SIPA1L1: variants seen among roughly 807,000 people sequenced by gnomAD.
The protein encoded by SIPA1L1 is signal-induced proliferation-associated 1-like protein 1.
A neutral mutation model predicts 162.7 loss-of-function variants in SIPA1L1; 26 were observed. That is an observed-to-expected ratio of 0.16 (90% CI 0.12 to 0.22). The LOEUF (loss-of-function observed/expected upper bound fraction) is 0.22, where lower values mean the gene tolerates loss of function less well. SIPA1L1 is among the 10% of genes least tolerant of loss of function. The pLI is 1.00. For synonymous variants in SIPA1L1, 829 were observed against 837.4 expected, an observed-to-expected ratio of 0.99 and a Z score of 0.17; for missense variants, 1,874 against 2,241.0, an observed-to-expected ratio of 0.84 and a Z score of 3.31.
chr14:71,415,660 T>C (rs2042705068), intron 2 of SIPA1L1, among the ~76,000 whole-genome samples: 2 of 152,236 alleles, frequency 1.3e-5, no homozygotes, highest in Admixed American at 1.3e-4. Flanking sequence ...CTATATGTTA[T>C]TGAAATGTGC....
rs574917080 is a variant in SIPA1L1 at position 71,340,926 on chromosome 14, G to A, written c.-465+19745G>A. 8.5e-5 allele frequency among the ~76,000 whole-genome samples: 13 copies of A among 152,314 alleles called. No homozygotes were observed. In the East Asian group the frequency reaches 2.3e-3, roughly 27 times the overall value. On this transcript the variant is annotated intron_variant, in intron 2 of 23. Transcript: ENST00000381232. Reference sequence around the variant, plus strand: ...TGCACTCCAGCCTGGACAACAGAGCGAGACTCCGTCTCAAAAAAAGAAATA... The same window carrying A: ...TGCACTCCAGCCTGGACAACAGAGCAAGACTCCGTCTCAAAAAAAGAAATA...
intron 2 of SIPA1L1, among the ~76,000 whole-genome samples, chr14:71,484,882 A>G (rs1178783348): frequency 6.6e-6 from 1 of 152,234 alleles, no homozygotes; most frequent in Non-Finnish European, 1.5e-5. Flanking sequence ...TTTTGTTCCT[A>G]GCTTTAAACA....
chr14:71,628,810 A>G (rs1274662715), intron 7 of SIPA1L1, among the ~76,000 whole-genome samples: 1 of 152,198 alleles, frequency 6.6e-6, no homozygotes, highest in Non-Finnish European at 1.5e-5. Context: ...GGGAATAAGC[A>G]GTTGGGTGGT....
intron 2 of SIPA1L1, among the ~76,000 whole-genome samples, chr14:71,485,299 C>T (rs2048662634): frequency 1.3e-5 from 2 of 152,210 alleles, no homozygotes; most frequent in South Asian, 2.1e-4. Context: ...CCCCGGACCA[C>T]GGACCAGTAC....
rs528372872 is a variant in SIPA1L1, at chr14:71,474,270, A to C, written c.-464-38473A>C. Among the ~76,000 whole-genome samples the C allele has an allele frequency of 7.2e-5, 11 of 152,306 alleles. No individual in the cohort carries two copies. The South Asian group carries it at 1.4e-3, about 20-fold the overall frequency. The stretch of plus-strand genomic sequence containing the variant: ...CAACTATGAAGTTAGCTGGAAAGTG[A>C]ATTTTGTCTAAGAAAATTTAGTTAT... On this transcript the variant is annotated intron_variant, in intron 2 of 23. Coordinates refer to ENST00000381232, the MANE Select transcript of SIPA1L1 (RefSeq NM_001386936.1).
At chr14:71,504,910 G>A (rs965037549) in intron 2 of SIPA1L1, among the ~76,000 whole-genome samples, 2 of 152,120 alleles carry the variant, frequency 1.3e-5, no homozygotes, top group African/African-American at 4.8e-5. Flanking sequence ...CTGATTTTAA[G>A]AAGATATGAA....
At chr14:71,626,190 A>G (rs1470103241) in intron 7 of SIPA1L1, among the ~76,000 whole-genome samples, 2 of 152,212 alleles carry the variant, frequency 1.3e-5, no homozygotes, top group Non-Finnish European at 2.9e-5. Flanking sequence ...ACTAGGCAAA[A>G]TTAAAATTTG....
chr14:71,449,321 G>A (rs900385267), intron 2 of SIPA1L1, among the ~76,000 whole-genome samples: 1 of 152,200 alleles, frequency 6.6e-6, no homozygotes, highest in Admixed American at 6.5e-5. Context: ...GGCTTGATTA[G>A]CTGGGAGAAT....
chr14:71,463,469 A>G (rs1178801127), intron 2 of SIPA1L1, among the ~76,000 whole-genome samples: 1 of 152,194 alleles, frequency 6.6e-6, no homozygotes, highest in East Asian at 1.9e-4. Flanking sequence ...GTCCCCTGGA[A>G]TCAGCATCAG....
chr14:71,378,069 T>C (rs1323320734), intron 2 of SIPA1L1, among the ~76,000 whole-genome samples: 1 of 151,916 alleles, frequency 6.6e-6, no homozygotes, highest in Non-Finnish European at 1.5e-5. Flanking sequence ...TTTTTGGTTT[T>C]GTATTTCCAT....
At chr14:71,446,819 C>T (rs1021793485) in intron 2 of SIPA1L1, among the ~76,000 whole-genome samples, 6 of 150,610 alleles carry the variant, frequency 4.0e-5, no homozygotes, top group Non-Finnish European at 8.8e-5. Flanking sequence ...CTTCATCTCT[C>T]CTTGACAAAC....
At chr14:71,357,543 T>C (rs547627429) in intron 2 of SIPA1L1, among the ~76,000 whole-genome samples, 1 of 152,110 alleles carries the variant, frequency 6.6e-6, no homozygotes, top group African/African-American at 2.4e-5. Context: ...CTTAGTGGAG[T>C]TGTTGGTTGA....
chr14:71,533,685 A>G (rs2053645536), intron 4 of SIPA1L1, among the ~76,000 whole-genome samples: 1 of 152,210 alleles, frequency 6.6e-6, no homozygotes, highest in Admixed American at 6.5e-5. Flanking sequence ...AGTATAGGGC[A>G]TTGCTATTTG....
Position 71,618,890 on chromosome 14 carries a change from A to G in SIPA1L1, c.1629+3A>G. The G allele has an allele frequency of 3.7e-6, 6 of 1,613,020 alleles. No individual in the cohort carries two copies. On this transcript the variant is annotated splice_donor_region_variant and intron_variant, in intron 6 of 23. Transcript: ENST00000381232. ...GAATAATTTTTAGAACTAGTGAGGT[A>G]AGTCGCAAATGAGAGAGGTTTGAGG...
intron 4 of SIPA1L1, among the ~76,000 whole-genome samples, chr14:71,560,456 G>C (rs182043762): frequency 1.0e-3 from 153 of 152,264 alleles, no homozygotes; most frequent in African/African-American, 3.2e-3. Context: ...GAGGAAGAAG[G>C]GGGAGTAAGA....
chr14:71,388,243 A>T (rs779245585), intron 2 of SIPA1L1, among the ~76,000 whole-genome samples: 1 of 152,248 alleles, frequency 6.6e-6, no homozygotes, highest in African/African-American at 2.4e-5. Context: ...AAGTAATGCA[A>T]AAATTATTCA....
intron 2 of SIPA1L1, among the ~76,000 whole-genome samples, chr14:71,447,812 G>A (rs1426380104): frequency 6.6e-6 from 1 of 151,860 alleles, no homozygotes; most frequent in South Asian, 2.1e-4. Context: ...CTGGCAATCC[G>A]CCTGCCTCTG....
intron 2 of SIPA1L1, among the ~76,000 whole-genome samples, chr14:71,471,022 A>G (rs1376593807): frequency 6.6e-6 from 1 of 151,870 alleles, no homozygotes; most frequent in Admixed American, 6.6e-5. Context: ...TATTTTTTTT[A>G]ATAGAGACGG....
intron 2 of SIPA1L1, among the ~76,000 whole-genome samples, chr14:71,503,451 A>G (rs890912235): frequency 6.6e-6 from 1 of 152,232 alleles, no homozygotes; most frequent in Non-Finnish European, 1.5e-5. Context: ...AGGCAGAAGT[A>G]GTAGAATACA....
Sources: gnomAD v4.1 joint callset for allele counts (sites outside exome capture counted in the v4.1 genomes callset) on GRCh38, gnomAD v4.1.1 for gene constraint, MANE v1.5 for transcripts, NCBI Gene and HGNC (gene_info 2026-07-23, HGNC 2026-07-21) for gene names.